Variants in LRRTM4 observed in about 807,000 individuals in gnomAD.
LRRTM4 encodes the protein leucine rich repeat transmembrane neuronal 4.
A neutral mutation model predicts 47.6 loss-of-function variants in LRRTM4; 25 were observed. The observed-to-expected ratio is 0.53, with a 90% CI of 0.38 to 0.73. LRRTM4 has a LOEUF of 0.73. Ranked by LOEUF, LRRTM4 falls within the 30% of genes least tolerant of loss-of-function variation. LRRTM4 has a pLI of 0.00. For synonymous variants in LRRTM4, 311 were observed against 269.5 expected, an observed-to-expected ratio of 1.15 and a Z score of -1.51; for missense variants, 638 against 713.4, an observed-to-expected ratio of 0.89 and a Z score of 1.20.
At chr2:77,134,971 T>C (rs1202135846) in intron 3 of LRRTM4, among the ~76,000 whole-genome samples, 1 of 146,620 alleles carries the variant, frequency 6.8e-6, no homozygotes, top group African/African-American at 2.6e-5. Flanking sequence ...ATAAAATCCT[T>C]AAGAACACCC....
chr2:77,490,270 A>G lies in LRRTM4; in HGVS notation c.1551+28048T>C, dbSNP rs560306568. 2.6e-5 allele frequency among the ~76,000 whole-genome samples: 4 copies of G among 152,272 alleles called. No individual in the cohort carries two copies. The South Asian group carries it at 6.2e-4, about 24-fold the overall frequency. ...GTCTCAAAAAAAACAAAACAAAACAAAAAAATTGAAGACTGAGTCTATCTG... is the reference window on the plus strand; with the variant it reads ...GTCTCAAAAAAAACAAAACAAAACAGAAAAATTGAAGACTGAGTCTATCTG... On this transcript the variant is annotated intron_variant, in intron 3 of 3. Coordinates refer to ENST00000409884, the MANE Select transcript of LRRTM4 (RefSeq NM_001134745.3).
At chr2:77,125,345 G>T (rs181636117) in intron 3 of LRRTM4, among the ~76,000 whole-genome samples, 5 of 152,260 alleles carry the variant, frequency 3.3e-5, no homozygotes, top group Admixed American at 6.5e-5. Context: ...TTCTAGAAAG[G>T]TTTCCATCAC....
rs1162738322 is a variant in LRRTM4, at chr2:77,257,896, A to G, written c.1551+260422T>C. ...ACAATGAAGCAGTCGGGAGTTCGAGACCAGCCTGACCAACATGGAGAAACC... is the reference window on the plus strand; with the variant it reads ...ACAATGAAGCAGTCGGGAGTTCGAGGCCAGCCTGACCAACATGGAGAAACC... On this transcript the variant is annotated intron_variant, in intron 3 of 3. Coordinates refer to ENST00000409884, the MANE Select transcript of LRRTM4 (RefSeq NM_001134745.3). 3.9e-5 allele frequency among the ~76,000 whole-genome samples: 6 copies of G among 152,182 alleles called. No homozygotes were observed. The South Asian group carries it at 1.2e-3, about 32-fold the overall frequency.
chr2:76,955,619 C>T lies in LRRTM4; in HGVS notation c.1552-206703G>A, dbSNP rs10172013. Reference sequence around the variant, plus strand: ...TATGTTGAGTTCTCAATTCCCAATACGATGCTATGTAGAGGTGGGGCCTTT... The same window carrying T: ...TATGTTGAGTTCTCAATTCCCAATATGATGCTATGTAGAGGTGGGGCCTTT... On this transcript the variant is annotated intron_variant, in intron 3 of 3. Coordinates refer to ENST00000409884, the MANE Select transcript of LRRTM4 (RefSeq NM_001134745.3). Among the ~76,000 whole-genome samples the T allele has an allele frequency of 9.6e-3, 1,451 of 151,784 alleles. 24 individuals carry two copies. Among genetic ancestry groups the T allele is most frequent in the African/African-American group, 0.034 (1,404 of 41,466 alleles).
chr2:76,972,750 C>T (rs1384253002), intron 3 of LRRTM4, among the ~76,000 whole-genome samples: 4 of 151,930 alleles, frequency 2.6e-5, no homozygotes, highest in African/African-American at 9.7e-5. Context: ...TTTCTGTGTG[C>T]AGTGTGGTAG....
At chr2:76,945,771 GTGTA>G (rs1038955166) in intron 3 of LRRTM4, among the ~76,000 whole-genome samples, 3 of 150,236 alleles carry the variant, frequency 2.0e-5, no homozygotes, top group South Asian at 4.8e-4. Flanking sequence ...GTGTGTGTGT[GTGTA>G]TGTGTATGTA....
chr2:77,492,641 A>G (rs1400081677), intron 3 of LRRTM4, among the ~76,000 whole-genome samples: 1 of 152,130 alleles, frequency 6.6e-6, no homozygotes, highest in Non-Finnish European at 1.5e-5. Flanking sequence ...AGGGGTAACA[A>G]CGCATATATA....
intron 3 of LRRTM4, among the ~76,000 whole-genome samples, chr2:76,857,600 CTAACA>C (rs1672193040): frequency 6.6e-6 from 1 of 151,944 alleles, no homozygotes; most frequent in South Asian, 2.1e-4. Flanking sequence ...GACTGAAAAC[CTAACA>C]CAGCATTATA....
At chr2:77,421,570 G>A (rs940944073) in intron 3 of LRRTM4, among the ~76,000 whole-genome samples, 22 of 152,266 alleles carry the variant, frequency 1.4e-4, no homozygotes, top group Non-Finnish European at 2.4e-4. Context: ...AGCCGGGCGT[G>A]TTGGCGGGTG....
chr2:76,769,009 C>G (rs1296462595), intron 3 of LRRTM4, among the ~76,000 whole-genome samples: 2 of 152,088 alleles, frequency 1.3e-5, no homozygotes, highest in African/African-American at 4.8e-5. Flanking sequence ...AACAAAGATA[C>G]CAAACGAAGC....
intron 3 of LRRTM4, among the ~76,000 whole-genome samples, chr2:77,305,324 T>C (rs138237995): frequency 1.2e-3 from 183 of 152,204 alleles, no homozygotes; most frequent in African/African-American, 4.4e-3. Context: ...AAATTGCAAA[T>C]TGTTTTGAGA....
intron 3 of LRRTM4, among the ~76,000 whole-genome samples, chr2:76,898,891 T>C (rs13395981): frequency 0.027 from 4,071 of 151,982 alleles, 190 homozygotes; most frequent in African/African-American, 0.093. Flanking sequence ...GTAGACCATT[T>C]GTTAATTTCT....
chr2:77,152,397 C>T lies in LRRTM4; in HGVS notation c.1551+365921G>A, dbSNP rs546737539. Among the ~76,000 whole-genome samples the T allele has an allele frequency of 4.6e-5, 7 of 152,088 alleles. No individual in the cohort carries two copies. The East Asian group carries it at 5.8e-4, about 13-fold the overall frequency. On this transcript the variant is annotated intron_variant, in intron 3 of 3. Coordinates refer to ENST00000409884, the MANE Select transcript of LRRTM4 (RefSeq NM_001134745.3). The stretch of plus-strand genomic sequence containing the variant: ...AGGCTGTAGTGTCATGGCACAATCT[C>T]GGCTCACTGCAACCTCTGCCTCCTG...
At chr2:76,869,601 T>C (rs556613417) in intron 3 of LRRTM4, among the ~76,000 whole-genome samples, 1 of 152,286 alleles carries the variant, frequency 6.6e-6, no homozygotes, top group African/African-American at 2.4e-5. Flanking sequence ...TTAAAAAATG[T>C]CTGCCAACTC....
rs1334168180 is a variant in LRRTM4 at position 76,902,371 on chromosome 2, C to G, written c.1552-153455G>C. The stretch of plus-strand genomic sequence containing the variant: ...TTTAAAAAAAATAATTAGCCAGCCC[C>G]TATCCAATTATACTTGAAACATTAT... On this transcript the variant is annotated intron_variant, in intron 3 of 3. Coordinates refer to ENST00000409884, the MANE Select transcript of LRRTM4 (RefSeq NM_001134745.3). Among the ~76,000 whole-genome samples, 5 of 152,256 alleles carry G rather than the reference C, an allele frequency of 3.3e-5. No individual in the cohort carries two copies. The East Asian group carries it at 7.7e-4, about 24-fold the overall frequency.
intron 3 of LRRTM4, among the ~76,000 whole-genome samples, chr2:77,235,240 A>C (rs1376000088): frequency 1.3e-5 from 2 of 151,836 alleles, no homozygotes; most frequent in Non-Finnish European, 2.9e-5. Flanking sequence ...ACCCATTCTG[A>C]CTGGTTTGGG....
At chr2:76,988,312 T>C (rs182886875) in intron 3 of LRRTM4, among the ~76,000 whole-genome samples, 2 of 152,030 alleles carry the variant, frequency 1.3e-5, no homozygotes, top group African/African-American at 2.4e-5. Context: ...ATCCTTTACA[T>C]GTCCGTGGTA....
intron 3 of LRRTM4, among the ~76,000 whole-genome samples, chr2:77,480,261 AGAG>A (rs2104014723): frequency 6.6e-6 from 1 of 152,352 alleles, no homozygotes; most frequent in Non-Finnish European, 1.5e-5. Context: ...AAGGAACTAC[AGAG>A]AAGAAGACTG....
chr2:76,962,178 T>G (rs561920168), intron 3 of LRRTM4, among the ~76,000 whole-genome samples: 1 of 151,386 alleles, frequency 6.6e-6, no homozygotes, highest in South Asian at 2.1e-4. Context: ...AAATATGATT[T>G]AAACATCACT....
Sources: allele counts gnomAD v4.1 joint callset (sites outside exome capture counted in the v4.1 genomes callset), GRCh38; gene constraint gnomAD v4.1.1; transcripts MANE v1.5; gene names NCBI Gene and HGNC (gene_info 2026-07-23, HGNC 2026-07-21).